CACNB2: variants seen among roughly 807,000 people sequenced by gnomAD.
CACNB2 encodes the protein calcium voltage-gated channel auxiliary subunit beta 2, also known as voltage-dependent L-type calcium channel subunit beta-2.
A neutral mutation model predicts 73.3 loss-of-function variants in CACNB2; 42 were observed. The ratio of observed to expected loss-of-function variants is 0.57; its 90% CI spans 0.45 to 0.74. CACNB2 has a LOEUF of 0.74. Ranked by LOEUF, CACNB2 falls within the 30% of genes least tolerant of loss-of-function variation. The pLI is 0.00. For missense variants in CACNB2, 940 were observed against 853.0 expected (o/e 1.10, Z -1.27); for synonymous variants, 348 against 310.3 (o/e 1.12, Z -1.28).
At chr10:18,523,239 G>T (rs906372154) in intron 9 of CACNB2, among the ~76,000 whole-genome samples, 6 of 152,160 alleles carry the variant, frequency 3.9e-5, no homozygotes, top group Admixed American at 3.9e-4. Context: ...AAAAAATTCT[G>T]CTAACAAAGG....
chr10:18,475,956 A>G (rs142078083), intron 3 of CACNB2, among the ~76,000 whole-genome samples: 475 of 152,334 alleles, frequency 3.1e-3, no homozygotes, highest in African/African-American at 0.011. Context: ...AAGGCCATAG[A>G]GTAAGGTGAA....
chr10:18,283,665 G>C (rs555369774), intron 2 of CACNB2, among the ~76,000 whole-genome samples: 1 of 138,228 alleles, frequency 7.2e-6, no homozygotes, highest in Non-Finnish European at 1.5e-5. Flanking sequence ...ACTGGGGCCT[G>C]TCATGAGTTT....
chr10:18,366,927 G>A (rs930486738), intron 2 of CACNB2, among the ~76,000 whole-genome samples: 1 of 152,160 alleles, frequency 6.6e-6, no homozygotes, highest in African/African-American at 2.4e-5. Flanking sequence ...ATTGCCAAGC[G>A]TGGGAAACTA....
At chr10:18,403,723 C>T (rs2044130575) in intron 3 of CACNB2, among the ~76,000 whole-genome samples, 5 of 151,604 alleles carry the variant, frequency 3.3e-5, no homozygotes, top group Admixed American at 3.3e-4. Flanking sequence ...TGTCCTACAG[C>T]CTAAAAAGAT....
intron 2 of CACNB2, among the ~76,000 whole-genome samples, chr10:18,278,726 A>T (rs1000442491): frequency 3.9e-5 from 6 of 152,038 alleles, no homozygotes; most frequent in Non-Finnish European, 7.4e-5. Flanking sequence ...TAAATTTTTT[A>T]AAAAAACTTC....
chr10:18,455,161 G>T (rs1321982746), intron 3 of CACNB2, among the ~76,000 whole-genome samples: 4 of 152,094 alleles, frequency 2.6e-5, no homozygotes, highest in Non-Finnish European at 5.9e-5. Flanking sequence ...ATTAAAAGGT[G>T]CATCAGAGGA....
At chr10:18,247,922 A>C (rs2036930962) in intron 2 of CACNB2, among the ~76,000 whole-genome samples, 1 of 152,170 alleles carries the variant, frequency 6.6e-6, no homozygotes, top group South Asian at 2.1e-4. Flanking sequence ...CCTGTTTCAT[A>C]AATGGTACCT....
chr10:18,259,579 A>AAAG (rs1421411173), intron 2 of CACNB2, among the ~76,000 whole-genome samples: 1 of 148,376 alleles, frequency 6.7e-6, no homozygotes, highest in Non-Finnish European at 1.5e-5. Flanking sequence ...AAAAAAAGTA[A>AAAG]AAGTAGCCAG....
intron 2 of CACNB2, among the ~76,000 whole-genome samples, chr10:18,188,224 TTGCCTGCC>T (rs145488243): frequency 6.6e-6 from 1 of 151,614 alleles, no homozygotes; most frequent in African/African-American, 2.4e-5. Context: ...TCCTTCCGTC[TTGCCTGCC>T]TGCCTGCCTG....
At chr10:18,494,623 C>T (rs1167312982) in intron 3 of CACNB2, among the ~76,000 whole-genome samples, 1 of 140,490 alleles carries the variant, frequency 7.1e-6, no homozygotes, top group Admixed American at 7.2e-5. Context: ...CAGAGTGAGA[C>T]TCCGTCTCAA....
intron 2 of CACNB2, among the ~76,000 whole-genome samples, chr10:18,306,734 A>T (rs1402106905): frequency 6.6e-6 from 1 of 152,180 alleles, no homozygotes; most frequent in African/African-American, 2.4e-5. Flanking sequence ...GTTGCCAAAG[A>T]CTGAGCTGTT....
chr10:18,150,855 C>CTTTTTTTTTTTTTTGTTTTTTT, intron 1 of CACNB2, 28 bp from the exon 2 acceptor site: 1 of 483,392 alleles, frequency 2.1e-6, no homozygotes, highest in South Asian at 2.7e-5. Flanking sequence ...TCTTATTTGT[C>CTTTTTTTTTTTTTTGTTTTTTT]TTTTTTTTTT....
chr10:18,241,474 A>G (rs143399149), intron 2 of CACNB2, among the ~76,000 whole-genome samples: 2 of 151,768 alleles, frequency 1.3e-5, no homozygotes, highest in Non-Finnish European at 2.9e-5. Flanking sequence ...TAGGAGAAAT[A>G]CCTAATGTAG....
intron 2 of CACNB2, among the ~76,000 whole-genome samples, chr10:18,220,172 C>T (rs1489241605): frequency 2.3e-4 from 13 of 56,112 alleles, no homozygotes; most frequent in South Asian, 5.8e-4. Context: ...CACACACACA[C>T]ATACATATAT....
At chr10:18,371,742 G>A (rs953346336) in intron 2 of CACNB2, among the ~76,000 whole-genome samples, 15 of 152,216 alleles carry the variant, frequency 9.9e-5, no homozygotes, top group African/African-American at 3.4e-4. Flanking sequence ...TGGGTCAAAT[G>A]GTATTTCTAG....
At chr10:18,461,483 T>C (rs1475347) in intron 3 of CACNB2, among the ~76,000 whole-genome samples, 151,062 of 152,026 alleles carry the variant, frequency 0.99, 75,088 homozygotes, top group Middle Eastern at 1. Flanking sequence ...TTTTTGAATG[T>C]GTGTGCTTTA....
rs183676792 is a variant in CACNB2, at chr10:18,421,810, C to G, written c.333+19767C>G. ...AGTACAAGAATCTCTTGCTAATAAG[C>G]CCAGCCTTTTTCCTTTTAGAGTGGC... is the stretch of plus-strand genomic sequence containing the variant. On this transcript the variant is annotated intron_variant, in intron 3 of 13. Transcript: ENST00000324631. Among the ~76,000 whole-genome samples the G allele has an allele frequency of 1.9e-4, 29 of 152,260 alleles. No homozygotes were observed. In the East Asian group the frequency reaches 3.5e-3, roughly 18 times the overall value.
chr10:18,307,987 T>A (rs867000054), intron 2 of CACNB2, among the ~76,000 whole-genome samples: 9,520 of 108,878 alleles, frequency 0.087, 624 homozygotes, highest in South Asian at 0.19. Context: ...TGCCAACTTT[T>A]TTTTTTTTTT....
intron 3 of CACNB2, among the ~76,000 whole-genome samples, chr10:18,428,621 G>A (rs2045726043): frequency 6.6e-6 from 1 of 150,932 alleles, no homozygotes; most frequent in Admixed American, 6.7e-5. Context: ...AGGAGGCAGA[G>A]TTTGTAGTGA....
Sources: gnomAD v4.1 joint callset for allele counts (sites outside exome capture counted in the v4.1 genomes callset) on GRCh38, gnomAD v4.1.1 for gene constraint, MANE v1.5 for transcripts, NCBI Gene and HGNC (gene_info 2026-07-23, HGNC 2026-07-21) for gene names.